The following EXPH5 variants were observed in gnomAD, a reference collection of about 807,000 sequenced individuals.
EXPH5 encodes exophilin 5, also known as exophilin-5.
Under a neutral mutation model 41.1 loss-of-function variants are expected in EXPH5, and 42 were observed. The observed-to-expected ratio is 1.02, with a 90% CI of 0.80 to 1.32. EXPH5 has a LOEUF of 1.32. Ranked by LOEUF, EXPH5 falls within the 40% of genes most tolerant of loss-of-function variation. The probability of loss-of-function intolerance (pLI) is 0.00; values close to 1 mark genes in which losing one functional copy is unlikely to be tolerated. For missense variants in EXPH5, 2,298 were observed against 2,314.5 expected (o/e 0.99, Z 0.15); for synonymous variants, 798 against 833.5 (o/e 0.96, Z 0.73).
intron 3 of EXPH5, among the ~76,000 whole-genome samples, chr11:108,529,844 CAA>C (rs1190347075): frequency 5.3e-4 from 50 of 93,612 alleles, no homozygotes; most frequent in Admixed American, 7.0e-4. Flanking sequence ...AACTCTGTCT[CAA>C]AAAAAAAAAA....
chr11:108,574,660 T>C (rs2094074126), intron 1 of EXPH5, among the ~76,000 whole-genome samples: 2 of 152,310 alleles, frequency 1.3e-5, no homozygotes, highest in South Asian at 4.1e-4. Context: ...GGATGGATCA[T>C]GTGTGGTCAA....
In EXPH5 at chr11:108,593,520, G is replaced by A; in HGVS notation, c.17C>T (p.Pro6Leu). 6.2e-7 allele frequency: 1 copy of A among 1,614,144 alleles called. No homozygotes were observed. The change falls in exon 1 of 6, where the codon CCG becomes CTG. Residue 6 changes from proline (P) to leucine (L), a missense_variant. Physicochemically the swap from Pro to Leu is moderately conservative, Grantham distance 98. Coordinates refer to ENST00000265843, the MANE Select transcript of EXPH5 (RefSeq NM_015065.3). MTKVP[P>L]AFDFSFLNDE... is the part of the protein sequence containing the mutation. ...ATTTAAGAAACTGAAATCAAACGCC[G>A]GAGGAACTTTCGTCATTTTCTTTAC...
chr11:108,523,408 T>C (rs1400455039), intron 4 of EXPH5, among the ~76,000 whole-genome samples: 1 of 152,110 alleles, frequency 6.6e-6, no homozygotes, highest in African/African-American at 2.4e-5. Context: ...AACCCTCTTC[T>C]TTCCATTATT....
At chr11:108,590,047 TC>T (rs1207601618) in intron 1 of EXPH5, among the ~76,000 whole-genome samples, 1 of 152,220 alleles carries the variant, frequency 6.6e-6, no homozygotes, top group Non-Finnish European at 1.5e-5. Context: ...GGCCATCTCC[TC>T]CACCTTAATC....
At chr11:108,515,872 A>G (rs2093722193) in intron 5 of EXPH5, among the ~76,000 whole-genome samples, 1 of 152,142 alleles carries the variant, frequency 6.6e-6, no homozygotes, top group Non-Finnish European at 1.5e-5. Context: ...GGAGATTGAG[A>G]CCATCCTGGC....
Position 108,514,572 on chromosome 11 carries a change from T to C in EXPH5, c.935A>G (p.Gln312Arg). The C allele has an allele frequency of 6.2e-7, 1 of 1,614,108 alleles. No homozygotes were observed. The highest frequency in any genetic ancestry group is 8.5e-7 in the Non-Finnish European group (1 of 1,179,990). The change falls in exon 6 of 6, where the codon CAA (glutamine) becomes CGA (arginine). Residue 312 changes from glutamine to arginine, a missense_variant. Physicochemically the swap from Gln to Arg is conservative, Grantham distance 43. Coordinates refer to ENST00000265843, the MANE Select transcript of EXPH5 (RefSeq NM_015065.3). ...EPRVFKEDYV[Q>R]KNTFGSTSLC... The stretch of plus-strand genomic sequence containing the variant: ...CGAAGTACTGCCAAAAGTATTCTTT[T>C]GCACATAATCTTCTTTAAAGACTCT...
At chr11:108,518,436 G>A (rs756544211) in intron 4 of EXPH5, 63 bp from the exon 5 acceptor site, 48 of 1,481,376 alleles carry the variant, frequency 3.2e-5, no homozygotes, top group East Asian at 2.8e-4. Flanking sequence ...ATACTCACAC[G>A]CTCCCACCAA....
chr11:108,518,543 A>G (rs1209963112), intron 4 of EXPH5, among the ~76,000 whole-genome samples, 170 bp from the exon 5 acceptor site: 1 of 152,194 alleles, frequency 6.6e-6, no homozygotes, highest in Non-Finnish European at 1.5e-5. Context: ...GCCATTTGTA[A>G]CTGACCTGCA....
rs562702072 is a variant in EXPH5 at position 108,573,416 on chromosome 11, A to T, written c.119+20002T>A. On this transcript the variant is annotated intron_variant, in intron 1 of 5. Coordinates refer to ENST00000265843, the MANE Select transcript of EXPH5 (RefSeq NM_015065.3). ...ACCTGACGTAGAAAATGGGAAGAGG[A>T]AAAAAACTGAAACACAATTAATGAA... Among the ~76,000 whole-genome samples the T allele has an allele frequency of 1.5e-4, 23 of 152,222 alleles. No homozygotes were observed. The South Asian group carries it at 4.8e-3, about 32-fold the overall frequency.
intron 4 of EXPH5, among the ~76,000 whole-genome samples, chr11:108,524,219 C>A (rs60435602): frequency 0.025 from 3,777 of 152,266 alleles, 147 homozygotes; most frequent in African/African-American, 0.083. Flanking sequence ...TGACTTTGGG[C>A]AAGTTATCTA....
At chr11:108,522,182 G>C (rs17108137) in intron 4 of EXPH5, among the ~76,000 whole-genome samples, 5,330 of 151,054 alleles carry the variant, frequency 0.035, 306 homozygotes, top group African/African-American at 0.12. Flanking sequence ...GCAAGGGTGA[G>C]GTTAGTGATT....
rs933593785 is a variant in EXPH5, at chr11:108,510,675, C to T, written c.4832G>A (p.Ser1611Asn). 3 of 1,614,148 alleles carry T rather than the reference C, an allele frequency of 1.9e-6. No individual in the cohort carries two copies. The highest frequency in any genetic ancestry group is 2.7e-5 in the African/African-American group (2 of 75,026). Residue 1611 changes from serine to asparagine, a missense_variant, in exon 6 of 6, where the codon AGC (serine) becomes AAC (asparagine). By Grantham distance (46) the Ser-to-Asn change is conservative. Coordinates refer to ENST00000265843, the MANE Select transcript of EXPH5 (RefSeq NM_015065.3). ...GATAGTAGCTACATGTCTTCTGGGG[C>T]TTACATCTTTAGCTGGGAATTTTCT... The part of the protein sequence containing the change: ...ASRKFPAKDV[S>N]PRRHVATIFP...
chr11:108,595,347 A>G (rs898444412), upstream of EXPH5, among the ~76,000 whole-genome samples: 4 of 152,242 alleles, frequency 2.6e-5, no homozygotes, highest in African/African-American at 9.6e-5. Context: ...GGATGGAGAG[A>G]GGATACGGTA....
In EXPH5 at chr11:108,511,999, C is replaced by T. The variant is rs1236703976; in HGVS notation, c.3508G>A (p.Val1170Ile). 7 of 1,592,896 alleles carry T rather than the reference C, an allele frequency of 4.4e-6. No homozygotes were observed. The highest frequency in any genetic ancestry group is 6.0e-6 in the Non-Finnish European group (7 of 1,173,338). The change falls in exon 6 of 6, where the codon GTT (valine) becomes ATT (isoleucine). Residue 1170 changes from valine (V) to isoleucine (I), a missense_variant. Physicochemically the swap from Val to Ile is conservative, Grantham distance 29. Transcript: ENST00000265843. Reference sequence around the variant, plus strand: ...CTTTTGGTTAAAGAACAATCTCTAACAGATGAGTCACTTTCCACAGGGCTA... The same window carrying T: ...CTTTTGGTTAAAGAACAATCTCTAATAGATGAGTCACTTTCCACAGGGCTA... ...IISPVESDSSVRDCSLTKRQH... is the reference protein window; with the variant it reads ...IISPVESDSSIRDCSLTKRQH...
intron 1 of EXPH5, among the ~76,000 whole-genome samples, chr11:108,576,315 A>C (rs1305189666): frequency 1.3e-5 from 2 of 152,224 alleles, no homozygotes; most frequent in Non-Finnish European, 2.9e-5. Context: ...TAAGTAAAAG[A>C]AGACAGACAA....
At chr11:108,546,079 G>C (rs1591721164) in intron 1 of EXPH5, among the ~76,000 whole-genome samples, 2 of 152,046 alleles carry the variant, frequency 1.3e-5, no homozygotes, top group South Asian at 4.1e-4. Context: ...AGGCAGAGGG[G>C]TAGCCTCTGT....
At chr11:108,557,621 T>C (rs982138938) in intron 1 of EXPH5, among the ~76,000 whole-genome samples, 4 of 152,198 alleles carry the variant, frequency 2.6e-5, no homozygotes, top group Non-Finnish European at 4.4e-5. Flanking sequence ...GTGCTGGGAT[T>C]ACAGGCACGA....
chr11:108,555,216 C>T (rs1161585257), intron 1 of EXPH5, among the ~76,000 whole-genome samples: 3 of 152,172 alleles, frequency 2.0e-5, no homozygotes, highest in Non-Finnish European at 4.4e-5. Context: ...ATGGTTTAGG[C>T]CACATAATTG....
Position 108,509,866 on chromosome 11 carries a change from A to G in EXPH5, c.5641T>C (p.Tyr1881His). 1.2e-6 allele frequency: 2 copies of G among 1,611,424 alleles called. No individual in the cohort carries two copies. Among genetic ancestry groups the G allele is most frequent in the African/African-American group, 1.3e-5 (1 of 74,844 alleles). Reference sequence around the variant, plus strand: ...AAGATCCCATAGTCGATAGGTCTGTATATAGATATTGCAGACCTGGGACCT... The same window carrying G: ...AAGATCCCATAGTCGATAGGTCTGTGTATAGATATTGCAGACCTGGGACCT... ...KTGPRSAISI[Y>H]RPIDYGIFGK... The change falls in exon 6 of 6, where the codon TAC (tyrosine) becomes CAC (histidine). Residue 1881 changes from tyrosine to histidine, a missense_variant. Physicochemically the swap from Tyr to His is moderately conservative, Grantham distance 83 (BLOSUM62 2). Coordinates refer to ENST00000265843, the MANE Select transcript of EXPH5 (RefSeq NM_015065.3).
Sources: allele counts gnomAD v4.1 joint callset (sites outside exome capture counted in the v4.1 genomes callset), GRCh38; gene constraint gnomAD v4.1.1; transcripts MANE v1.5; gene names NCBI Gene and HGNC (gene_info 2026-07-23, HGNC 2026-07-21).